AOX1: variants seen among roughly 807,000 people sequenced by gnomAD.
AOX1 encodes aldehyde oxidase.
Under a neutral mutation model 169.5 loss-of-function variants are expected in AOX1, and 153 were observed. The observed-to-expected ratio is 0.90, with a 90% CI of 0.79 to 1.03. The LOEUF is 1.03. Among genes scored for constraint, AOX1 ranks in the 50% least tolerant of loss-of-function variants. AOX1 has a pLI of 0.00. For synonymous variants in AOX1, 562 were observed against 581.9 expected (o/e 0.97, Z 0.49); for missense variants, 1,656 against 1,663.9 (o/e 1.00, Z 0.08).
chr2:200,652,042 G>A lies in AOX1; in HGVS notation c.3075+841G>A, dbSNP rs543865604. The stretch of plus-strand genomic sequence containing the variant: ...CTCCTTGGTTGGAGTCATGAAGAAG[G>A]CATGGCAGCTGTGCTGAGCGATCAC... On this transcript the variant is annotated intron_variant, in intron 26 of 34. Coordinates refer to ENST00000374700, the MANE Select transcript of AOX1 (RefSeq NM_001159.4). Among the ~76,000 whole-genome samples the A allele has an allele frequency of 9.8e-5, 15 of 152,286 alleles. No individual in the cohort carries two copies. The South Asian group carries it at 1.7e-3, about 17-fold the overall frequency.
intron 9 of AOX1, among the ~76,000 whole-genome samples, chr2:200,605,079 T>C (rs2034488002): frequency 6.6e-6 from 1 of 152,226 alleles, no homozygotes; most frequent in African/African-American, 2.4e-5. Flanking sequence ...CGAAGGGGCT[T>C]GCTCCATAGC....
intron 28 of AOX1, among the ~76,000 whole-genome samples, chr2:200,659,783 CTCTCACACA>C (rs1553578778): frequency 1.2e-5 from 1 of 81,394 alleles, no homozygotes; most frequent in Admixed American, 1.7e-4. Flanking sequence ...CCAGTTCTCT[CTCTCACACA>C]CACACACACA....
chr2:200,605,704 A>T, intron 10 of AOX1, 76 bp downstream of exon 10: 1 of 620,540 alleles, frequency 1.6e-6, no homozygotes, highest in East Asian at 3.0e-5. Context: ...AGACAAGCAG[A>T]AAAAGAATGA....
chr2:200,659,149 C>T lies in AOX1; in HGVS notation c.3172-16C>T. On this transcript the variant is annotated splice_polypyrimidine_tract_variant and intron_variant, in intron 27 of 34. Transcript: ENST00000374700. ...TAATCAAAGTGTTTAAAAGGAAACTCTCTCTTAAAATTCAGGTGGTCAGCC... is the reference window on the plus strand; with the variant it reads ...TAATCAAAGTGTTTAAAAGGAAACTTTCTCTTAAAATTCAGGTGGTCAGCC... 6.2e-7 allele frequency: 1 copy of T among 1,612,438 alleles called. No individual in the cohort carries two copies. Among genetic ancestry groups the T allele is most frequent in the Non-Finnish European group, 8.5e-7 (1 of 1,179,132 alleles).
At chr2:200,672,441 G>A (rs2036043004), downstream of AOX1, among the ~76,000 whole-genome samples, 1 of 152,134 alleles carries the variant, frequency 6.6e-6, no homozygotes, top group Non-Finnish European at 1.5e-5. Context: ...CATAGTCAAG[G>A]AAAAACGCCA....
In AOX1 at chr2:200,586,122, C is replaced by T. The variant is rs762680422; in HGVS notation, c.14C>T (p.Ser5Phe). The change falls in exon 1 of 35, where the codon TCC becomes TTC. Residue 5 changes from serine (S) to phenylalanine (F), a missense_variant. Physicochemically the swap from Ser to Phe is radical, Grantham distance 155. Coordinates refer to ENST00000374700, the MANE Select transcript of AOX1 (RefSeq NM_001159.4). MDRA[S>F]ELLFYVNGRK... Reference sequence around the variant, plus strand: ...GCGGACACCACAATGGACCGGGCGTCCGAGCTGCTCTTCTACGTGAACGGC... The same window carrying T: ...GCGGACACCACAATGGACCGGGCGTTCGAGCTGCTCTTCTACGTGAACGGC... 32 of 1,563,924 alleles carry T rather than the reference C, an allele frequency of 2.0e-5. No individual in the cohort carries two copies. In the African/African-American group the frequency reaches 3.5e-4, roughly 17 times the overall value.
chr2:200,599,353 G>A (rs2034354795), intron 4 of AOX1, among the ~76,000 whole-genome samples: 1 of 152,048 alleles, frequency 6.6e-6, no homozygotes, highest in Non-Finnish European at 1.5e-5. Flanking sequence ...TGCTGTGTGG[G>A]GCTTGAAATC....
At position 200,613,003 on chromosome 2, in the gene AOX1, C is replaced by CGTGTGTGTGT. The variant is rs745607427; in HGVS notation, c.1448+226_1448+235dup. Among the ~76,000 whole-genome samples the CGTGTGTGTGT allele has an allele frequency of 4.2e-3, 610 of 144,204 alleles. 2 individuals are homozygous for CGTGTGTGTGT. Among genetic ancestry groups the CGTGTGTGTGT allele is most frequent in the South Asian group, 0.01 (44 of 4,396 alleles). The allele number at this position is 144,204 out of a possible 152,430, so 94.6% of individuals were successfully genotyped here. On this transcript the variant is annotated intron_variant, in intron 14 of 34. Transcript: ENST00000374700. ...AAGTGGGAATTATATACTCTGTGTG[C>CGTGTGTGTGT]GTGTGTGTGTGTGTGTGTGTGTGTG... is the stretch of plus-strand genomic sequence containing the variant.
intron 7 of AOX1, among the ~76,000 whole-genome samples, chr2:200,603,649 C>G (rs2034457837): frequency 6.6e-6 from 1 of 152,038 alleles, no homozygotes; most frequent in Non-Finnish European, 1.5e-5. Context: ...TTTCAAGGGC[C>G]AGAAGTAAAG....
intron 20 of AOX1, among the ~76,000 whole-genome samples, chr2:200,633,122 G>A (rs2035161784): frequency 6.6e-6 from 1 of 152,018 alleles, no homozygotes; most frequent in African/African-American, 2.4e-5. Flanking sequence ...TCCTATAGAT[G>A]AAGTAGTGTT....
At chr2:200,604,161 TG>T in intron 8 of AOX1, 64 bp downstream of exon 8, 1 of 1,228,480 alleles carries the variant, frequency 8.1e-7, no homozygotes, top group South Asian at 1.2e-5. Flanking sequence ...GAAGGGTATT[TG>T]TTTATGGGTT....
chr2:200,651,255 C>G (rs1423317751), intron 26 of AOX1, 54 bp downstream of exon 26: 3 of 1,511,400 alleles, frequency 2.0e-6, no homozygotes, highest in Non-Finnish European at 2.8e-6. Flanking sequence ...CCTGACAAAG[C>G]AAGAGGTGTT....
chr2:200,590,350 A>G (rs1336462570), intron 1 of AOX1, among the ~76,000 whole-genome samples: 2 of 152,202 alleles, frequency 1.3e-5, no homozygotes, highest in African/African-American at 4.8e-5. Flanking sequence ...ATTCAAGACT[A>G]TGCTGAGATG....
Position 200,616,660 on chromosome 2 carries a change from C to T in AOX1, c.1704+597C>T, listed in dbSNP as rs139451600. On this transcript the variant is annotated intron_variant, in intron 16 of 34. Transcript: ENST00000374700. ...TGAAGGCTATTAGAAAACAGGATTC[C>T]TAACTCTCAAATGGAATTTTCTGCC... Among the ~76,000 whole-genome samples the T allele has an allele frequency of 1.0e-3, 153 of 152,300 alleles. 3 individuals are homozygous for T. In the East Asian group the frequency reaches 0.023, roughly 22 times the overall value.
At chr2:200,628,798 G>A (rs893057330) in intron 20 of AOX1, among the ~76,000 whole-genome samples, 2 of 152,040 alleles carry the variant, frequency 1.3e-5, no homozygotes, top group Non-Finnish European at 2.9e-5. Flanking sequence ...GTGGTGGTGG[G>A]AGCCTGTAAT....
chr2:200,639,923 G>T (rs1023134855), intron 23 of AOX1, among the ~76,000 whole-genome samples: 1 of 151,736 alleles, frequency 6.6e-6, no homozygotes, highest in African/African-American at 2.4e-5. Context: ...TGTAATCCCA[G>T]CTACTTGGGA....
At chr2:200,592,882 G>C (rs566990447) in intron 1 of AOX1, among the ~76,000 whole-genome samples, 2 of 152,278 alleles carry the variant, frequency 1.3e-5, no homozygotes, top group South Asian at 4.1e-4. Context: ...ACAGGAGGTA[G>C]TGTTTCTGTT....
In AOX1 at chr2:200,620,738, T is replaced by A. The variant is rs143935618; in HGVS notation, c.1793T>A (p.Ile598Asn). The change falls in exon 17 of 35, where the codon ATC becomes AAC. Residue 598 changes from isoleucine (I) to asparagine (N), a missense_variant. By Grantham distance (149) the Ile-to-Asn change is moderately radical. Coordinates refer to ENST00000374700, the MANE Select transcript of AOX1 (RefSeq NM_001159.4). ...SGVKHATGEA[I>N]YCDDMPLVDQ... The stretch of plus-strand genomic sequence containing the variant: ...GTGAAGCATGCCACGGGGGAGGCCA[T>A]CTACTGTGATGACATGCCTCTGGTG... 4,079 of 1,607,316 alleles carry A rather than the reference T, an allele frequency of 2.5e-3. 109 individuals are homozygous for A. The Admixed American group carries it at 0.053, about 21-fold the overall frequency.
rs945555503 is a variant in AOX1 at position 200,666,824 on chromosome 2, T to A, written c.3609+72T>A. The A allele has an allele frequency of 9.6e-5, 100 of 1,039,742 alleles. 1 individual carries two copies. In the Middle Eastern group the frequency reaches 1.0e-3, roughly 11 times the overall value. The allele number at this position is 1,039,742 out of a possible 1,614,324, so 64.4% of individuals were successfully genotyped here. A position where few individuals can be genotyped will look rare whatever the true frequency, so the allele number is the denominator to read the frequency against. ...GTGCGGTGGGGTCTGCAGGAGAGCA[T>A]TCCATCAGTCTTATTCATCATCTTA... On this transcript the variant is annotated intron_variant, in intron 32 of 34. Transcript: ENST00000374700.
Sources: gnomAD v4.1 joint callset for allele counts (sites outside exome capture counted in the v4.1 genomes callset) on GRCh38, gnomAD v4.1.1 for gene constraint, MANE v1.5 for transcripts, NCBI Gene and HGNC (gene_info 2026-07-23, HGNC 2026-07-21) for gene names.